Variants in TTL observed in about 807,000 individuals in gnomAD.
TTL encodes the protein tubulin tyrosine ligase.
In TTL, 10 loss-of-function variants were observed where a neutral mutation model predicts 41.1. The ratio of observed to expected loss-of-function variants is 0.24; its 90% CI spans 0.15 to 0.41. TTL has a LOEUF of 0.41. TTL is among the 10% of genes least tolerant of loss of function. The probability of loss-of-function intolerance (pLI) is 1.00; values close to 1 mark genes in which losing one functional copy is unlikely to be tolerated. For missense variants in TTL, 367 were observed against 460.4 expected (o/e 0.80, Z 1.86); for synonymous variants, 175 against 175.5 (o/e 1.00, Z 0.02).
chr2:112,515,314 C>T (rs958915891), intron 5 of TTL, among the ~76,000 whole-genome samples: 3 of 152,130 alleles, frequency 2.0e-5, no homozygotes, highest in South Asian at 2.1e-4. Flanking sequence ...TGAGAATATG[C>T]AACAGAGGTG....
chr2:112,503,754 T>C (rs1407732152), intron 5 of TTL, among the ~76,000 whole-genome samples: 2 of 149,336 alleles, frequency 1.3e-5, no homozygotes, highest in Admixed American at 6.7e-5. Flanking sequence ...TTCAACACGT[T>C]GATGAAAAGT....
At position 112,529,270 on chromosome 2, in the gene TTL, C is replaced by A. The variant is rs1313103938; in HGVS notation, c.*475C>A. The A allele has an allele frequency of 4.0e-6, 1 of 248,614 alleles. No individual in the cohort carries two copies. Among genetic ancestry groups the A allele is most frequent in the Non-Finnish European group, 7.9e-6 (1 of 127,040 alleles). 15.4% of individuals were successfully genotyped at this position (248,614 alleles called of 1,614,324 possible). ...CCACACTAAGCTCTGTACAAGCATG[C>A]ACCAACAGTCCTTAGTTTTGTGCTG... On this transcript the variant is annotated 3_prime_UTR_variant, in exon 7 of 7. Transcript: ENST00000233336.
rs183150174 is a variant in TTL at position 112,530,942 on chromosome 2, A to G, written c.*2147A>G. On this transcript the variant is annotated 3_prime_UTR_variant, in exon 7 of 7. Transcript: ENST00000233336. Reference sequence around the variant, plus strand: ...TTTAAAATTTGATTTTAAATTTCAAATAAATTTAAATAAATTTTAAATAAA... The same window carrying G: ...TTTAAAATTTGATTTTAAATTTCAAGTAAATTTAAATAAATTTTAAATAAA... 53 of 176,526 alleles carry G rather than the reference A, an allele frequency of 3.0e-4. No individual in the cohort carries two copies. Among genetic ancestry groups the G allele is most frequent in the African/African-American group, 1.1e-3 (46 of 42,336 alleles). The allele number at this position is 176,526 out of a possible 1,614,324, so 10.9% of individuals were successfully genotyped here. A position where few individuals can be genotyped will look rare whatever the true frequency, so the allele number is the denominator to read the frequency against.
Position 112,529,865 on chromosome 2 carries a change from A to C in TTL, c.*1070A>C. 1 of 223,784 alleles carries C rather than the reference A, an allele frequency of 4.5e-6. No homozygotes were observed. Among genetic ancestry groups the C allele is most frequent in the Non-Finnish European group, 8.9e-6 (1 of 112,066 alleles). The allele number at this position is 223,784 out of a possible 1,614,324, so 13.9% of individuals were successfully genotyped here. On this transcript the variant is annotated 3_prime_UTR_variant, in exon 7 of 7. Transcript: ENST00000233336. ...TCCTGCCTGAATGGGGAAGTCTTCT[A>C]AAATGGGAAAGAAGTGGTTTCATCT...
chr2:112,524,023 C>T (rs1682312166), intron 6 of TTL, among the ~76,000 whole-genome samples: 1 of 152,122 alleles, frequency 6.6e-6, no homozygotes, highest in South Asian at 2.1e-4. Context: ...CAGTTCCCAC[C>T]TATGAGTGAG....
At chr2:112,485,567 G>A (rs1040565445) in intron 1 of TTL, among the ~76,000 whole-genome samples, 5 of 152,196 alleles carry the variant, frequency 3.3e-5, no homozygotes, top group Non-Finnish European at 7.3e-5. Flanking sequence ...AGAGTGACAA[G>A]TCTATATGTG....
intron 5 of TTL, among the ~76,000 whole-genome samples, chr2:112,512,728 CATT>C (rs1681959284): frequency 6.6e-6 from 1 of 152,166 alleles, no homozygotes; most frequent in Non-Finnish European, 1.5e-5. Flanking sequence ...ATATGATAAT[CATT>C]GTCATTTAAT....
At chr2:112,486,449 G>A (rs1475572436) in intron 2 of TTL, among the ~76,000 whole-genome samples, 5 of 152,212 alleles carry the variant, frequency 3.3e-5, no homozygotes, top group Non-Finnish European at 7.3e-5. Context: ...GGGAAGAGAT[G>A]GAGGGCTTAG....
At chr2:112,526,737 A>G (rs1574074022) in intron 6 of TTL, among the ~76,000 whole-genome samples, 1 of 152,288 alleles carries the variant, frequency 6.6e-6, no homozygotes, top group East Asian at 1.9e-4. Context: ...TCAAAAAACC[A>G]GCTCCTGGAT....
In TTL at chr2:112,482,514, C is replaced by A; in HGVS notation, c.157+13C>A. 1 of 1,589,046 alleles carries A rather than the reference C, an allele frequency of 6.3e-7. No individual in the cohort carries two copies. Among genetic ancestry groups the A allele is most frequent in the Non-Finnish European group, 8.6e-7 (1 of 1,166,792 alleles). The stretch of plus-strand genomic sequence containing the variant: ...TTCGGGAGACTGGGTGAGCCCCTCC[C>A]CGATTCCCGTCTGCCCTCCTCGGAG... On this transcript the variant is annotated intron_variant, in intron 1 of 6. Transcript: ENST00000233336. This position sits in a 1 kb window ranked among gnomAD's most constrained non-coding sequence, Gnocchi z 5.3.
chr2:112,531,687 TAA>T lies in TTL; in HGVS notation c.*2902_*2903del. On this transcript the variant is annotated 3_prime_UTR_variant, in exon 7 of 7. Transcript: ENST00000233336. The stretch of plus-strand genomic sequence containing the variant: ...GAAGAATTGCATAAGGCTTATGACT[TAA>T]AAAAAAAAATTCTTTTTGGAAACAC... 2 of 207,522 alleles carry T rather than the reference TAA, an allele frequency of 9.6e-6. No individual in the cohort carries two copies. The highest frequency in any genetic ancestry group is 9.7e-6 in the Non-Finnish European group (1 of 102,954). 12.9% of individuals were successfully genotyped at this position (207,522 alleles called of 1,614,324 possible).
chr2:112,520,589 C>A, intron 6 of TTL, 164 bp downstream of exon 6: 1 of 906,052 alleles, frequency 1.1e-6, no homozygotes, highest in Admixed American at 2.7e-5. Context: ...TGCTGAGTCA[C>A]TTCCTTTCCT....
chr2:112,531,233 T>C lies in TTL; in HGVS notation c.*2438T>C. 4.5e-6 allele frequency: 1 copy of C among 224,350 alleles called. No homozygotes were observed. The highest frequency in any genetic ancestry group is 5.7e-5 in the Admixed American group (1 of 17,456). The allele number at this position is 224,350 out of a possible 1,614,324, so 13.9% of individuals were successfully genotyped here. On this transcript the variant is annotated 3_prime_UTR_variant, in exon 7 of 7. Coordinates refer to ENST00000233336, the MANE Select transcript of TTL (RefSeq NM_153712.5). ...TGTCCTTGACACAGAAGGTTATGCCTGGCTCCCAGTCAGGCTTCATACTTT... is the reference window on the plus strand; with the variant it reads ...TGTCCTTGACACAGAAGGTTATGCCCGGCTCCCAGTCAGGCTTCATACTTT...
At chr2:112,503,665 T>G (rs1324648424) in intron 5 of TTL, among the ~76,000 whole-genome samples, 1 of 146,446 alleles carries the variant, frequency 6.8e-6, no homozygotes, top group Admixed American at 6.8e-5. Flanking sequence ...ACTCTTTTTT[T>G]TTTTTTTTTT....
intron 2 of TTL, among the ~76,000 whole-genome samples, chr2:112,491,975 TA>T (rs1266424460): frequency 3.9e-5 from 6 of 152,222 alleles, no homozygotes; most frequent in African/African-American, 1.4e-4. Flanking sequence ...TTTGTCCAAA[TA>T]TTTTTTTAAC....
Position 112,530,144 on chromosome 2 carries a change from C to G in TTL, c.*1349C>G, listed in dbSNP as rs931699570. 2 of 229,312 alleles carry G rather than the reference C, an allele frequency of 8.7e-6. No individual in the cohort carries two copies. Among genetic ancestry groups the G allele is most frequent in the Admixed American group, 1.1e-4 (2 of 17,644 alleles). 14.2% of individuals were successfully genotyped at this position (229,312 alleles called of 1,614,324 possible). On this transcript the variant is annotated 3_prime_UTR_variant, in exon 7 of 7. Coordinates refer to ENST00000233336, the MANE Select transcript of TTL (RefSeq NM_153712.5). ...TTCTTTCTTCATGCCTATGTGTGCT[C>G]CATTCCTCATTTCTACTTGGCTCAA...
intron 6 of TTL, among the ~76,000 whole-genome samples, chr2:112,526,538 T>G (rs1270066438): frequency 1.3e-5 from 2 of 152,210 alleles, no homozygotes; most frequent in South Asian, 2.1e-4. Context: ...GTCCAGGAAT[T>G]TATCCATTTC....
intron 5 of TTL, among the ~76,000 whole-genome samples, chr2:112,513,314 T>C (rs1333961146): frequency 6.6e-6 from 1 of 152,088 alleles, no homozygotes; most frequent in African/African-American, 2.4e-5. Context: ...ACCCAGATAC[T>C]ACTTTTGTTT....
rs1217840015 is a variant in TTL at position 112,536,611 on chromosome 2, G to A, written c.*7816G>A. On this transcript the variant is annotated 3_prime_UTR_variant, in exon 7 of 7. Coordinates refer to ENST00000233336, the MANE Select transcript of TTL (RefSeq NM_153712.5). ...TTGTTACATGGGTCCTGAGGTTGGGGTACAGATCCCATTACCCAAGTAGTA... is the reference window on the plus strand; with the variant it reads ...TTGTTACATGGGTCCTGAGGTTGGGATACAGATCCCATTACCCAAGTAGTA... The A allele has an allele frequency of 2.6e-5, 4 of 152,082 alleles. No individual in the cohort carries two copies. The highest frequency in any genetic ancestry group is 9.7e-5 in the African/African-American group (4 of 41,380). 9.4% of individuals were successfully genotyped at this position (152,082 alleles called of 1,614,324 possible).
Sources: gnomAD v4.1 joint callset for allele counts (sites outside exome capture counted in the v4.1 genomes callset) on GRCh38, gnomAD v4.1.1 for gene constraint, Gnocchi (gnomAD v3.1) non-coding constraint, MANE v1.5 for transcripts, NCBI Gene and HGNC (gene_info 2026-07-23, HGNC 2026-07-21) for gene names.